NDUFS1: variants seen among roughly 807,000 people sequenced by gnomAD.
NDUFS1 encodes the protein NADH-ubiquinone oxidoreductase 75 kDa subunit, mitochondrial.
NDUFS1 carries 61 observed loss-of-function variants against 84.4 expected under a neutral mutation model. The observed-to-expected ratio is 0.72, with a 90% confidence interval of 0.59 to 0.89. The LOEUF is 0.89. Among genes scored for constraint, NDUFS1 ranks in the 40% least tolerant of loss-of-function variants. The probability of loss-of-function intolerance (pLI) is 0.00; values close to 1 mark genes in which losing one functional copy is unlikely to be tolerated. For missense variants in NDUFS1, 891 were observed against 890.0 expected, an observed-to-expected ratio of 1.00 and a Z score of -0.01; for synonymous variants, 275 against 290.0, an observed-to-expected ratio of 0.95 and a Z score of 0.53.
At chr2:206,131,608 C>T (rs1056370502) in intron 14 of NDUFS1, among the ~76,000 whole-genome samples, 2 of 151,998 alleles carry the variant, frequency 1.3e-5, no homozygotes, top group African/African-American at 4.8e-5. Context: ...TTGAGACCAG[C>T]CTGGCGAACA....
At position 206,142,011 on chromosome 2, in the gene NDUFS1, C is replaced by G; in HGVS notation, c.1192G>C (p.Asp398His). 6.2e-7 allele frequency: 1 copy of G among 1,607,490 alleles called. No individual in the cohort carries two copies. The highest frequency in any genetic ancestry group is 8.5e-7 in the Non-Finnish European group (1 of 1,174,008). ...NTTIAGVEEADVVLLVGTNPR... is the reference protein window; with the variant it reads ...NTTIAGVEEAHVVLLVGTNPR... Reference sequence around the variant, plus strand: ...TTTGTACCAACCAGAAGAACAACATCTGCCTCTTCCACACCAGCAATTGTA... The same window carrying G: ...TTTGTACCAACCAGAAGAACAACATGTGCCTCTTCCACACCAGCAATTGTA... Residue 398 changes from aspartate to histidine, a missense_variant, in exon 12 of 19, where the codon GAT (aspartate) becomes CAT (histidine). Transcript: ENST00000233190.
chr2:206,123,429 T>A lies in NDUFS1; in HGVS notation c.*756A>T, dbSNP rs755460274. 1.3e-5 allele frequency: 2 copies of A among 151,708 alleles called. No individual in the cohort carries two copies. The highest frequency in any genetic ancestry group is 2.9e-5 in the Non-Finnish European group (2 of 67,950). 9.4% of individuals were successfully genotyped at this position (151,708 alleles called of 1,614,324 possible). On this transcript the variant is annotated 3_prime_UTR_variant, in exon 19 of 19. Transcript: ENST00000233190. ...ATGTGTTCACCATTAAACTCAATAC[T>A]AATTTTTAGAAGTAACAACCTATAG...
intron 14 of NDUFS1, among the ~76,000 whole-genome samples, chr2:206,131,501 C>CT (rs1691509273): frequency 6.6e-6 from 1 of 152,084 alleles, no homozygotes; most frequent in African/African-American, 2.4e-5. Flanking sequence ...ACCTATGTAA[C>CT]TAAAAAATAT....
intron 13 of NDUFS1, among the ~76,000 whole-genome samples, chr2:206,134,021 G>A (rs1691614778): frequency 6.6e-6 from 1 of 152,108 alleles, no homozygotes; most frequent in Non-Finnish European, 1.5e-5. Context: ...TAGAATACAC[G>A]TCTCATTCTC....
Position 206,144,892 on chromosome 2 carries a change from C to T in NDUFS1, c.872G>A (p.Arg291Lys). The T allele has an allele frequency of 2.5e-6, 4 of 1,613,520 alleles. No individual in the cohort carries two copies. The highest frequency in any genetic ancestry group is 3.4e-6 in the Non-Finnish European group (4 of 1,179,748). Reference protein sequence around the residue: ...INEEWISDKTRFAYDGLKRQR... With the variant: ...INEEWISDKTKFAYDGLKRQR... ...TTAAGGAAAACAATATAGCATATACCTGGTTTTATCAGAGATCCACTCTTC... is the reference window on the plus strand; with the variant it reads ...TTAAGGAAAACAATATAGCATATACTTGGTTTTATCAGAGATCCACTCTTC... Residue 291 changes from arginine (R) to lysine (K), a missense_variant and splice_region_variant, in exon 9 of 19, where the codon AGA (arginine) becomes AAA (lysine). Arg to Lys is a conservative substitution (Grantham distance 26). Transcript: ENST00000233190.
chr2:206,129,849 C>T (rs563054439), intron 15 of NDUFS1, among the ~76,000 whole-genome samples: 1 of 152,034 alleles, frequency 6.6e-6, no homozygotes, highest in Non-Finnish European at 1.5e-5. Context: ...GCACTGGCCT[C>T]CCAAAGTGCT....
At chr2:206,156,456 T>C (rs1687658841) in intron 1 of NDUFS1, among the ~76,000 whole-genome samples, 2 of 151,300 alleles carry the variant, frequency 1.3e-5, no homozygotes, top group African/African-American at 4.9e-5. Flanking sequence ...GCGCCTGTGG[T>C]CCCAGCTTCA....
chr2:206,128,043 T>C, intron 15 of NDUFS1, 71 bp from the exon 16 acceptor site: 1 of 1,479,904 alleles, frequency 6.8e-7, no homozygotes. Flanking sequence ...ATGAAGATAG[T>C]ATATATCATT....
chr2:206,128,367 G>A (rs7597393), intron 15 of NDUFS1, among the ~76,000 whole-genome samples: 75,172 of 151,432 alleles, frequency 0.5, 19,505 homozygotes, highest in African/African-American at 0.64. Flanking sequence ...GGGTTTCACC[G>A]TGTTTAGCCA....
intron 13 of NDUFS1, among the ~76,000 whole-genome samples, chr2:206,135,671 T>C (rs1256786546): frequency 6.7e-6 from 1 of 149,566 alleles, no homozygotes; most frequent in African/African-American, 2.5e-5. Flanking sequence ...CAAGACTCTG[T>C]CTCAAAAAAA....
chr2:206,146,827 A>C, intron 8 of NDUFS1, 76 bp downstream of exon 8: 1 of 1,413,548 alleles, frequency 7.1e-7, no homozygotes. Context: ...ACCCAGGAAG[A>C]AAATGAACCT....
At chr2:206,147,463 T>C in intron 7 of NDUFS1, 68 bp downstream of exon 7, 1 of 1,458,148 alleles carries the variant, frequency 6.9e-7, no homozygotes. Context: ...AATGTTATTA[T>C]TCATCAAATT....
intron 12 of NDUFS1, among the ~76,000 whole-genome samples, chr2:206,139,594 A>G (rs1691854557): frequency 6.6e-6 from 1 of 152,188 alleles, no homozygotes; most frequent in Non-Finnish European, 1.5e-5. Flanking sequence ...AAACATTTTC[A>G]TAATTCATGA....
Position 206,124,109 on chromosome 2 carries a change from A to G in NDUFS1, c.*76T>C. ...TATTATTATTTTTTTTTACAAAGAAATAAACCTGTAAAGGATCACTGCACT... is the reference window on the plus strand; with the variant it reads ...TATTATTATTTTTTTTTACAAAGAAGTAAACCTGTAAAGGATCACTGCACT... On this transcript the variant is annotated 3_prime_UTR_variant, in exon 19 of 19. Coordinates refer to ENST00000233190, the MANE Select transcript of NDUFS1 (RefSeq NM_005006.7). 1.1e-6 allele frequency: 1 copy of G among 922,566 alleles called. No individual in the cohort carries two copies. The highest frequency in any genetic ancestry group is 1.8e-6 in the Non-Finnish European group (1 of 561,130). 57.1% of individuals were successfully genotyped at this position (922,566 alleles called of 1,614,324 possible). A position where few individuals can be genotyped will look rare whatever the true frequency, so the allele number is the denominator to read the frequency against.
Position 206,127,853 on chromosome 2 carries a change from C to CTGCT in NDUFS1, c.1824_1827dup (p.Val610SerfsTer20), listed in dbSNP as rs778932108. The CTGCT allele has an allele frequency of 6.2e-7, 1 of 1,614,134 alleles. No individual in the cohort carries two copies. The highest frequency in any genetic ancestry group is 8.5e-7 in the Non-Finnish European group (1 of 1,180,024). ...TCTCTTGCCAAGCCAGGAGGTGTCACTGCTACCTTAGTCTGCTGAGCTCTA... is the reference window on the plus strand; with the variant it reads ...TCTCTTGCCAAGCCAGGAGGTGTCACTGCTTGCTACCTTAGTCTGCTGAGCTCTA... On this transcript the variant is annotated frameshift_variant, in exon 16 of 19. Coordinates refer to ENST00000233190, the MANE Select transcript of NDUFS1 (RefSeq NM_005006.7). LOFTEE classifies it high-confidence loss of function.
rs556247995 is a variant in NDUFS1, at chr2:206,117,760, T to A, written c.*6425A>T. 2.6e-5 allele frequency: 4 copies of A among 152,354 alleles called. No individual in the cohort carries two copies. In the South Asian group the frequency reaches 8.3e-4, roughly 32 times the overall value. 9.4% of individuals were successfully genotyped at this position (152,354 alleles called of 1,614,324 possible). On this transcript the variant is annotated 3_prime_UTR_variant, in exon 19 of 19. Coordinates refer to ENST00000233190, the MANE Select transcript of NDUFS1 (RefSeq NM_005006.7). ...CTTTGTAATGTCACAGAACCAGGCA[T>A]CAGAAGAGCTGATCCAAACCCAAGA...
intron 12 of NDUFS1, 108 bp downstream of exon 12, chr2:206,141,833 T>C (rs1378342483): frequency 3.0e-6 from 3 of 988,348 alleles, no homozygotes; most frequent in African/African-American, 1.7e-5. Flanking sequence ...CCAGTTATCT[T>C]TTGGAGTCTC....
At chr2:206,153,211 T>C (rs74629974) in intron 2 of NDUFS1, among the ~76,000 whole-genome samples, 197 of 151,728 alleles carry the variant, frequency 1.3e-3, no homozygotes, top group Non-Finnish European at 2.5e-3. Context: ...TTTTTTTTTT[T>C]CCAAGATGGA....
At position 206,147,511 on chromosome 2, in the gene NDUFS1, A is replaced by G. The variant is rs1301303533; in HGVS notation, c.551+20T>C. Reference sequence around the variant, plus strand: ...TATACAATTATATTCTATAATAGAAAAAAAAGGAAAAAAAGTTACCTGATG... The same window carrying G: ...TATACAATTATATTCTATAATAGAAGAAAAAGGAAAAAAAGTTACCTGATG... On this transcript the variant is annotated intron_variant, in intron 7 of 18. Coordinates refer to ENST00000233190, the MANE Select transcript of NDUFS1 (RefSeq NM_005006.7). The G allele has an allele frequency of 1.9e-6, 3 of 1,607,556 alleles. No individual in the cohort carries two copies. The highest frequency in any genetic ancestry group is 1.1e-5 in the South Asian group (1 of 90,208).
Sources: gnomAD v4.1 joint callset for allele counts (sites outside exome capture counted in the v4.1 genomes callset) on GRCh38, gnomAD v4.1.1 for gene constraint, MANE v1.5 for transcripts, NCBI Gene and HGNC (gene_info 2026-07-23, HGNC 2026-07-21) for gene names.